CARHSP1: variants seen among roughly 807,000 people sequenced by gnomAD.
The protein encoded by CARHSP1 is calcium regulated heat stable protein 1.
In CARHSP1, 14 loss-of-function variants were observed where a neutral mutation model predicts 12.5. The observed-to-expected ratio is 1.12, with a 90% confidence interval of 0.74 to 1.75. The LOEUF is 1.75. Ranked by LOEUF, CARHSP1 falls within the 40% of genes most tolerant of loss-of-function variation. The pLI is 0.00. For missense variants in CARHSP1, 343 were observed against 201.6 expected (o/e 1.70, Z -4.25); for synonymous variants, 161 against 82.0 (o/e 1.96, Z -5.20).
intron 1 of CARHSP1, among the ~76,000 whole-genome samples, chr16:8,866,908 G>A (rs2061464867): frequency 6.6e-6 from 1 of 152,166 alleles, no homozygotes; most frequent in Non-Finnish European, 1.5e-5. Context: ...CCGCCAAGCT[G>A]GGAATAGCTC....
intron 3 of CARHSP1, chr16:8,857,955 C>T (rs1259900555): frequency 8.2e-5 from 14 of 170,142 alleles, no homozygotes; most frequent in African/African-American, 1.4e-4. Flanking sequence ...TTAGTAGAGA[C>T]GGGATTTCAC....
Position 8,859,240 on chromosome 16 carries a change from G to C in CARHSP1, c.89C>G (p.Ser30Ter). Residue 30 changes from serine (S) to a stop codon, truncating the protein, a stop_gained, in exon 2 of 4, where the codon TCA becomes TGA. Transcript: ENST00000311052. LOFTEE classifies it high-confidence loss of function. Reference sequence around the variant, plus strand: ...CACGTTGCCCCGCAGAGGGGATGGTGAGCGCTCACGGCTCCGAGGGGTGTC... The same window carrying C: ...CACGTTGCCCCGCAGAGGGGATGGTCAGCGCTCACGGCTCCGAGGGGTGTC... ...LLDTPRSRER[S>*]PSPLRGNVVP... The C allele has an allele frequency of 6.2e-7, 1 of 1,601,508 alleles. No homozygotes were observed. Among genetic ancestry groups the C allele is most frequent in the Non-Finnish European group, 8.5e-7 (1 of 1,176,722 alleles).
rs199523816 is a variant in CARHSP1 at position 8,858,340 on chromosome 16, G to A, written c.281+10C>T. Reference sequence around the variant, plus strand: ...CCCAGCCAGGCCACCCAGACCTGCCGCTGACTCACTCAGAGATGTGCAGGA... The same window carrying A: ...CCCAGCCAGGCCACCCAGACCTGCCACTGACTCACTCAGAGATGTGCAGGA... On this transcript the variant is annotated intron_variant, in intron 3 of 3. Coordinates refer to ENST00000311052, the MANE Select transcript of CARHSP1 (RefSeq NM_014316.4). The A allele has an allele frequency of 5.8e-5, 94 of 1,612,468 alleles. No homozygotes were observed. The highest frequency in any genetic ancestry group is 4.5e-4 in the South Asian group (41 of 91,026).
chr16:8,858,511 C>T (rs371399625), intron 2 of CARHSP1, 39 bp from the exon 3 acceptor site: 2 of 1,605,104 alleles, frequency 1.2e-6, no homozygotes, highest in African/African-American at 1.3e-5. Flanking sequence ...CCCATCAGCG[C>T]TCCTGGGCAC....
chr16:8,858,561 T>G (rs2061231861), intron 2 of CARHSP1, 89 bp from the exon 3 acceptor site: 1 of 1,522,374 alleles, frequency 6.6e-7, no homozygotes, highest in African/African-American at 1.4e-5. Flanking sequence ...CTGTGCCCCA[T>G]CAAGCCCTGG....
chr16:8,867,848 C>G (rs2061475924), intron 1 of CARHSP1: 1 of 152,368 alleles, frequency 6.6e-6, no homozygotes, highest in Non-Finnish European at 1.5e-5. Context: ...CGGAAGATAA[C>G]AGGAAGCCCT....
intron 1 of CARHSP1, chr16:8,861,937 G>C (rs2061367917): frequency 5.7e-6 from 2 of 351,566 alleles, no homozygotes; most frequent in Non-Finnish European, 4.1e-6. Context: ...GCCCTGCCTT[G>C]TTCTATCCAA....
At position 8,853,204 on chromosome 16, in the gene CARHSP1, CCA is replaced by C. The variant is rs1238639545; in HGVS notation, c.*1958_*1959del. 6.6e-6 allele frequency: 1 copy of C among 152,086 alleles called. No homozygotes were observed. The highest frequency in any genetic ancestry group is 1.5e-5 in the Non-Finnish European group (1 of 68,046). 9.4% of individuals were successfully genotyped at this position (152,086 alleles called of 1,614,324 possible). ...TAAGAGCCGCTGACAAAGGATTCTGCCAAGACAGAATCCCAGGGTCACAGGAG... is the reference window on the plus strand; with the variant it reads ...TAAGAGCCGCTGACAAAGGATTCTGCAGACAGAATCCCAGGGTCACAGGAG... On this transcript the variant is annotated 3_prime_UTR_variant, in exon 4 of 4. Transcript: ENST00000311052.
intron 1 of CARHSP1, among the ~76,000 whole-genome samples, chr16:8,862,035 TGCTGTC>T (rs2061372603): frequency 7.1e-6 from 1 of 140,082 alleles, no homozygotes; most frequent in Non-Finnish European, 1.5e-5. Context: ...GATGGAGTCC[TGCTGTC>T]GCCCAGGCTG....
Position 8,858,398 on chromosome 16 carries a change from A to C in CARHSP1, c.233T>G (p.Phe78Cys). 6.2e-7 allele frequency: 1 copy of C among 1,614,068 alleles called. No homozygotes were observed. Among genetic ancestry groups the C allele is most frequent in the Non-Finnish European group, 8.5e-7 (1 of 1,180,002 alleles). Residue 78 changes from phenylalanine (F) to cysteine (C), a missense_variant, in exon 3 of 4, where the codon TTC becomes TGC. By Grantham distance (205) the Phe-to-Cys change is radical (BLOSUM62 -2). Coordinates refer to ENST00000311052, the MANE Select transcript of CARHSP1 (RefSeq NM_014316.4). Reference protein sequence around the residue: ...KCFCRSKGHGFITPADGGPDI... With the variant: ...KCFCRSKGHGCITPADGGPDI... ...GGGGCCGCCATCAGCTGGAGTAATGAAGCCATGGCCCTTGGACCGGCAGAA... is the reference window on the plus strand; with the variant it reads ...GGGGCCGCCATCAGCTGGAGTAATGCAGCCATGGCCCTTGGACCGGCAGAA...
intron 1 of CARHSP1, chr16:8,866,337 C>T: frequency 1.4e-6 from 1 of 730,520 alleles, no homozygotes; most frequent in East Asian, 1.3e-4. Flanking sequence ...TGGCCCATCT[C>T]ACAGCCCAAG....
At chr16:8,858,757 T>A (rs2061240143) in intron 2 of CARHSP1, 1 of 462,328 alleles carries the variant, frequency 2.2e-6, no homozygotes, top group East Asian at 3.6e-5. Flanking sequence ...CAGAAACTAA[T>A]GATTTACTAT....
chr16:8,864,804 G>A (rs772211933), intron 1 of CARHSP1, among the ~76,000 whole-genome samples: 3 of 152,166 alleles, frequency 2.0e-5, no homozygotes, highest in African/African-American at 4.8e-5. Context: ...AGGGGGCCTC[G>A]GCCGAAAATA....
intron 1 of CARHSP1, among the ~76,000 whole-genome samples, chr16:8,866,114 C>T (rs1406797818): frequency 1.3e-5 from 2 of 152,120 alleles, no homozygotes; most frequent in Non-Finnish European, 2.9e-5. Flanking sequence ...CTACCACACC[C>T]AGCTAATTTT....
chr16:8,862,147 T>A (rs1490006031), intron 1 of CARHSP1, among the ~76,000 whole-genome samples: 1 of 151,780 alleles, frequency 6.6e-6, no homozygotes, highest in African/African-American at 2.4e-5. Context: ...GGGTTACAGG[T>A]GCCCGCCATC....
At chr16:8,860,906 T>G (rs936930302) in intron 1 of CARHSP1, among the ~76,000 whole-genome samples, 2 of 151,134 alleles carry the variant, frequency 1.3e-5, no homozygotes, top group Non-Finnish European at 3.0e-5. Context: ...CAAAATTAGC[T>G]GGGCGTGGTG....
chr16:8,858,527 G>A (rs1596531799), intron 2 of CARHSP1, 55 bp from the exon 3 acceptor site: 9 of 1,593,318 alleles, frequency 5.6e-6, no homozygotes, highest in African/African-American at 4.0e-5. Flanking sequence ...GGCACACAAA[G>A]CTCATTCCAG....
intron 2 of CARHSP1, 197 bp from the exon 3 acceptor site, chr16:8,858,669 G>A: frequency 1.7e-6 from 1 of 597,362 alleles, no homozygotes; most frequent in Non-Finnish European, 2.8e-6. Flanking sequence ...CTCTTTGGAT[G>A]ACCCTGGCCA....
At chr16:8,861,066 C>G (rs1567186984) in intron 1 of CARHSP1, among the ~76,000 whole-genome samples, 1 of 118,816 alleles carries the variant, frequency 8.4e-6, no homozygotes, top group African/African-American at 3.0e-5. Context: ...AAATAAATAA[C>G]TTTTATTTTT....
Sources: gnomAD v4.1 joint callset for allele counts (sites outside exome capture counted in the v4.1 genomes callset) on GRCh38, gnomAD v4.1.1 for gene constraint, MANE v1.5 for transcripts, NCBI Gene and HGNC (gene_info 2026-07-23, HGNC 2026-07-21) for gene names.